The following PCDHGB5 variants were observed in gnomAD, a reference collection of about 807,000 sequenced individuals.
PCDHGB5 encodes protocadherin gamma subfamily B, 5.
A neutral mutation model predicts 62.9 loss-of-function variants in PCDHGB5; 48 were observed. The observed-to-expected ratio is 0.76, with a 90% CI of 0.61 to 0.97. PCDHGB5 has a LOEUF of 0.97. Ranked by LOEUF, PCDHGB5 falls within the 50% of genes least tolerant of loss-of-function variation. The pLI is 0.00. For missense variants in PCDHGB5, 1,118 were observed against 1,198.6 expected (o/e 0.93, Z 0.99); for synonymous variants, 474 against 511.2 (o/e 0.93, Z 0.98).
At chr5:141,458,081 G>A (rs765008628) in intron 1 of PCDHGB5, among the ~76,000 whole-genome samples, 62 of 152,186 alleles carry the variant, frequency 4.1e-4, no homozygotes, top group East Asian at 1.9e-4. Flanking sequence ...CTATATTGCC[G>A]TAAGTTAAGA....
In PCDHGB5 at chr5:141,418,449, A is replaced by G. The variant is rs781224972; in HGVS notation, c.2397+17925A>G. ...GGCAAATATCCAGAATTAGTATTGC[A>G]GAAGACTCTGGACCGAGAAACGCAG... On this transcript the variant is annotated intron_variant, in intron 1 of 3. Coordinates refer to ENST00000617380, the MANE Select transcript of PCDHGB5 (RefSeq NM_018925.3). 8.1e-6 allele frequency: 13 copies of G among 1,613,922 alleles called. No homozygotes were observed. The Admixed American group carries it at 1.2e-4, about 14-fold the overall frequency.
rs750109717 is a variant in PCDHGB5, at chr5:141,490,546, A to C, written c.2398-4261A>C. 1.9e-6 allele frequency: 3 copies of C among 1,614,110 alleles called. No individual in the cohort carries two copies. Among genetic ancestry groups the C allele is most frequent in the Non-Finnish European group, 2.5e-6 (3 of 1,180,036 alleles). On this transcript the variant is annotated intron_variant, in intron 1 of 3. Transcript: ENST00000617380. The surrounding 1 kb of genome is among the most constrained non-coding windows in gnomAD (Gnocchi z 5.4). ...CGATGCTGGTTCACCTTCCCTACAC[A>C]AACATCTCACCATCAGGCTCAACAT...
In PCDHGB5 at chr5:141,432,508, G is replaced by A. The variant is rs1306067848; in HGVS notation, c.2397+31984G>A. ...TGGAGCTGGCTCCCCGCTCCGCAGA[G>A]CCCGGCTACCTGGTGACCAAGGTGG... On this transcript the variant is annotated intron_variant, in intron 1 of 3. Coordinates refer to ENST00000617380, the MANE Select transcript of PCDHGB5 (RefSeq NM_018925.3). This position sits in a 1 kb window ranked among gnomAD's most constrained non-coding sequence, Gnocchi z 6.0. The A allele has an allele frequency of 1.9e-6, 3 of 1,614,136 alleles. No individual in the cohort carries two copies. Among genetic ancestry groups the A allele is most frequent in the Non-Finnish European group, 2.5e-6 (3 of 1,180,034 alleles).
In PCDHGB5 at chr5:141,423,758, G is replaced by T. The variant is rs1192987646; in HGVS notation, c.2397+23234G>T. Reference sequence around the variant, plus strand: ...CTGTTATGAAAACTGTTTGGGGGGGGGGTGGGGCGGCATATATTTAGTTCA... The same window carrying T: ...CTGTTATGAAAACTGTTTGGGGGGGTGGTGGGGCGGCATATATTTAGTTCA... On this transcript the variant is annotated intron_variant, in intron 1 of 3. Transcript: ENST00000617380. 1.4e-4 allele frequency: 53 copies of T among 366,832 alleles called. 6 individuals carry two copies. The highest frequency in any genetic ancestry group is 3.4e-4 in the South Asian group (4 of 11,762). 22.7% of individuals were successfully genotyped at this position (366,832 alleles called of 1,614,324 possible).
Position 141,399,194 on chromosome 5 carries a change from C to G in PCDHGB5, c.1067C>G (p.Ala356Gly). 6.2e-7 allele frequency: 1 copy of G among 1,613,838 alleles called. No individual in the cohort carries two copies. The highest frequency in any genetic ancestry group is 8.5e-7 in the Non-Finnish European group (1 of 1,179,810). Reference protein sequence around the residue: ...HSLLEMILENAVPGTLIALIK... With the variant: ...HSLLEMILENGVPGTLIALIK... The stretch of plus-strand genomic sequence containing the variant: ...CTACTTGAAATGATTCTGGAAAACG[C>G]GGTGCCTGGAACACTAATTGCTTTG... The change falls in exon 1 of 4, where the codon GCG (alanine) becomes GGG (glycine). Residue 356 changes from alanine (A) to glycine (G), a missense_variant. Physicochemically the swap from Ala to Gly is moderately conservative, Grantham distance 60 (BLOSUM62 0). Transcript: ENST00000617380.
chr5:141,409,230 A>G, intron 1 of PCDHGB5: 1 of 1,614,024 alleles, frequency 6.2e-7, no homozygotes. Context: ...GAAAACGACA[A>G]CAGCCCAGAA....
At chr5:141,421,455 C>T (rs762490406) in intron 1 of PCDHGB5, 7 of 1,614,108 alleles carry the variant, frequency 4.3e-6, no homozygotes, top group Non-Finnish European at 4.2e-6. Flanking sequence ...CACAGCTTTT[C>T]GCTGTGAATC....
intron 3 of PCDHGB5, among the ~76,000 whole-genome samples, chr5:141,505,729 G>A (rs1026403192): frequency 7.9e-5 from 12 of 152,286 alleles, no homozygotes; most frequent in African/African-American, 2.9e-4. Flanking sequence ...AGGGAATAGT[G>A]GTTACAAGTC....
chr5:141,446,188 T>G (rs566309564), intron 1 of PCDHGB5, among the ~76,000 whole-genome samples: 28 of 152,326 alleles, frequency 1.8e-4, no homozygotes, highest in African/African-American at 6.3e-4. Context: ...TTTTGTTTAT[T>G]ATTATATTCC....
rs764067454 is a variant in PCDHGB5 at position 141,413,998 on chromosome 5, G to C, written c.2397+13474G>C. On this transcript the variant is annotated intron_variant, in intron 1 of 3. Coordinates refer to ENST00000617380, the MANE Select transcript of PCDHGB5 (RefSeq NM_018925.3). Reference sequence around the variant, plus strand: ...GACAGTCACAGCCACCGACAGGGACGAAGGTGCCAATGGAGAAGTGACATA... The same window carrying C: ...GACAGTCACAGCCACCGACAGGGACCAAGGTGCCAATGGAGAAGTGACATA... 29 of 1,613,320 alleles carry C rather than the reference G, an allele frequency of 1.8e-5. No individual in the cohort carries two copies. The Admixed American group carries it at 4.8e-4, about 27-fold the overall frequency.
chr5:141,403,604 G>C, intron 1 of PCDHGB5: 2 of 1,613,768 alleles, frequency 1.2e-6, no homozygotes, highest in Non-Finnish European at 1.7e-6. Flanking sequence ...CTCGGATGGC[G>C]GCGAGCCGCG....
At position 141,511,241 on chromosome 5, in the gene PCDHGB5, C is replaced by T; in HGVS notation, c.*68C>T. On this transcript the variant is annotated 3_prime_UTR_variant, in exon 4 of 4. Transcript: ENST00000617380. ...CCAGCCCAGCTTCTCCTTACCTGCA[C>T]CCAGGCCTCAGAGTTTCAGGGCTAA... The T allele has an allele frequency of 2.5e-6, 4 of 1,585,214 alleles. No individual in the cohort carries two copies. Among genetic ancestry groups the T allele is most frequent in the Non-Finnish European group, 3.4e-6 (4 of 1,165,762 alleles).
chr5:141,511,351 C>G lies in PCDHGB5; in HGVS notation c.*178C>G, dbSNP rs1190324197. On this transcript the variant is annotated 3_prime_UTR_variant, in exon 4 of 4. Coordinates refer to ENST00000617380, the MANE Select transcript of PCDHGB5 (RefSeq NM_018925.3). The stretch of plus-strand genomic sequence containing the variant: ...CCAGTCAGCACCTACCCCTTCCCCC[C>G]CAGGGGGTTGAATATGCAAAAGCAG... 6 of 1,386,432 alleles carry G rather than the reference C, an allele frequency of 4.3e-6. No individual in the cohort carries two copies. The highest frequency in any genetic ancestry group is 2.9e-5 in the African/African-American group (2 of 68,574). The allele number at this position is 1,386,432 out of a possible 1,614,324, so 85.9% of individuals were successfully genotyped here.
At position 141,490,221 on chromosome 5, in the gene PCDHGB5, G is replaced by A; in HGVS notation, c.2398-4586G>A. 6.2e-7 allele frequency: 1 copy of A among 1,614,236 alleles called. No individual in the cohort carries two copies. The highest frequency in any genetic ancestry group is 1.1e-5 in the South Asian group (1 of 91,084). ...ATGCAAGAGCCCGTGACCAGGGACAGCCTGCCATGGAGGGCCACTGTGTGA... is the reference window on the plus strand; with the variant it reads ...ATGCAAGAGCCCGTGACCAGGGACAACCTGCCATGGAGGGCCACTGTGTGA... On this transcript the variant is annotated intron_variant, in intron 1 of 3. Transcript: ENST00000617380. The surrounding 1 kb of genome is among the most constrained non-coding windows in gnomAD (Gnocchi z 5.4).
chr5:141,505,284 G>A, intron 2 of PCDHGB5, 109 bp from the exon 3 acceptor site: 1 of 1,548,402 alleles, frequency 6.5e-7, no homozygotes. Flanking sequence ...CAGGTCTTGG[G>A]CATGGGGTAG....
At chr5:141,404,917 G>C in intron 1 of PCDHGB5, 1 of 1,613,772 alleles carries the variant, frequency 6.2e-7, no homozygotes, top group Non-Finnish European at 8.5e-7. Flanking sequence ...CCCCTCTCTC[G>C]GCCACTGTCA....
At chr5:141,400,547 C>A (rs534226736) in intron 1 of PCDHGB5, 23 bp downstream of exon 1, 12 of 1,613,676 alleles carry the variant, frequency 7.4e-6, no homozygotes, top group African/African-American at 2.7e-5. Flanking sequence ...TATGTCTATT[C>A]TTTTTCATTA....
intron 2 of PCDHGB5, among the ~76,000 whole-genome samples, chr5:141,502,165 T>C (rs1017904375): frequency 1.8e-4 from 28 of 152,196 alleles, no homozygotes; most frequent in African/African-American, 6.3e-4. Context: ...AGATATTCAG[T>C]TGAGGAATTT....
chr5:141,478,497 C>A (rs746475685), intron 1 of PCDHGB5: 2 of 1,612,820 alleles, frequency 1.2e-6, no homozygotes, highest in Non-Finnish European at 1.7e-6. Context: ...AGCTGTGATC[C>A]GGTGTTCTAT....
Sources: allele counts gnomAD v4.1 joint callset (sites outside exome capture counted in the v4.1 genomes callset), GRCh38; gene constraint gnomAD v4.1.1; non-coding constraint Gnocchi (gnomAD v3.1); transcripts MANE v1.5; gene names NCBI Gene and HGNC (gene_info 2026-07-23, HGNC 2026-07-21).